Variants in HINT3 observed in about 807,000 individuals in gnomAD.
HINT3 encodes the protein adenosine 5'-monophosphoramidase HINT3.
In HINT3, 16 loss-of-function variants were observed where a neutral mutation model predicts 19.1. The observed-to-expected ratio is 0.84, with a 90% CI of 0.57 to 1.27. The LOEUF (loss-of-function observed/expected upper bound fraction) is 1.27, where lower values mean the gene tolerates loss of function less well. Ranked by LOEUF, HINT3 falls within the 50% of genes most tolerant of loss-of-function variation. The pLI is 0.00. For missense variants in HINT3, 197 were observed against 225.8 expected, an observed-to-expected ratio of 0.87 and a Z score of 0.82; for synonymous variants, 75 against 84.8, an observed-to-expected ratio of 0.88 and a Z score of 0.63.
At chr6:125,965,918 T>G (rs906884791) in intron 1 of HINT3, among the ~76,000 whole-genome samples, 1 of 152,220 alleles carries the variant, frequency 6.6e-6, no homozygotes, top group Admixed American at 6.5e-5. Context: ...AATTATCATG[T>G]TTGTTATCTT....
intron 1 of HINT3, among the ~76,000 whole-genome samples, chr6:125,963,051 G>A (rs564249577): frequency 6.6e-5 from 10 of 152,260 alleles, no homozygotes; most frequent in Admixed American, 1.3e-4. Context: ...TAACTTGAAC[G>A]TTGTCCCCTG....
At position 125,966,458 on chromosome 6, in the gene HINT3, A is replaced by G. The variant is rs79389489; in HGVS notation, c.202-429A>G. On this transcript the variant is annotated intron_variant, in intron 1 of 4. Coordinates refer to ENST00000229633, the MANE Select transcript of HINT3 (RefSeq NM_138571.5). ...GTAAATGCTAGCTGGTGTTCTTTTTATAATTGAGGAAAATGCTACGTTGGG... is the reference window on the plus strand; with the variant it reads ...GTAAATGCTAGCTGGTGTTCTTTTTGTAATTGAGGAAAATGCTACGTTGGG... Among the ~76,000 whole-genome samples the G allele has an allele frequency of 1.6e-3, 238 of 152,336 alleles. 1 individual carries two copies. Among genetic ancestry groups the G allele is most frequent in the African/African-American group, 5.2e-3 (217 of 41,572 alleles).
At position 125,979,031 on chromosome 6, in the gene HINT3, G is replaced by T. The variant is rs1235443080; in HGVS notation, c.*1355G>T. On this transcript the variant is annotated 3_prime_UTR_variant, in exon 5 of 5. Coordinates refer to ENST00000229633, the MANE Select transcript of HINT3 (RefSeq NM_138571.5). The stretch of plus-strand genomic sequence containing the variant: ...TTCCCTGATGCCTTCACAGCCAGAA[G>T]AGGCTGTGAAGGGATAAACACTTCT... The T allele has an allele frequency of 2.0e-5, 3 of 152,182 alleles. No individual in the cohort carries two copies. The highest frequency in any genetic ancestry group is 4.4e-5 in the Non-Finnish European group (3 of 68,020). 9.4% of individuals were successfully genotyped at this position (152,182 alleles called of 1,614,324 possible). A position where few individuals can be genotyped will look rare whatever the true frequency, so the allele number is the denominator to read the frequency against.
intron 1 of HINT3, among the ~76,000 whole-genome samples, chr6:125,957,384 G>A (rs1044206012): frequency 2.6e-5 from 4 of 152,216 alleles, no homozygotes; most frequent in Non-Finnish European, 5.9e-5. Flanking sequence ...GGGTGCTGAT[G>A]ACAGACTCAC....
At chr6:125,968,484 G>A (rs185577788) in intron 2 of HINT3, among the ~76,000 whole-genome samples, 1 of 152,316 alleles carries the variant, frequency 6.6e-6, no homozygotes, top group Admixed American at 6.5e-5. Flanking sequence ...ACAAGTGCAT[G>A]TGTCTTTTTG....
intron 1 of HINT3, among the ~76,000 whole-genome samples, chr6:125,962,185 T>TAC (rs67423612): frequency 1.7e-4 from 6 of 35,564 alleles, no homozygotes; most frequent in Non-Finnish European, 2.9e-4. Flanking sequence ...TATATATATA[T>TAC]ACACATATAT....
chr6:125,973,108 C>A (rs1789132105), intron 3 of HINT3, among the ~76,000 whole-genome samples: 1 of 94,146 alleles, frequency 1.1e-5, no homozygotes, highest in Non-Finnish European at 1.9e-5. Flanking sequence ...CGGAGTCTTG[C>A]ACTGTCCCCC....
chr6:125,964,292 G>A (rs1788985828), intron 1 of HINT3, among the ~76,000 whole-genome samples: 1 of 152,084 alleles, frequency 6.6e-6, no homozygotes. Flanking sequence ...CTTGTGAAGT[G>A]TGATGTATAC....
intron 1 of HINT3, among the ~76,000 whole-genome samples, chr6:125,958,305 A>G (rs889865995): frequency 1.2e-4 from 19 of 152,294 alleles, no homozygotes; most frequent in African/African-American, 4.3e-4. Context: ...CTGGAGAGGT[A>G]AACAAGGGAC....
intron 2 of HINT3, among the ~76,000 whole-genome samples, chr6:125,969,259 T>C (rs529858194): frequency 1.3e-5 from 2 of 152,270 alleles, no homozygotes; most frequent in African/African-American, 4.8e-5. Context: ...TAACTGAATA[T>C]GGCGTATTTT....
chr6:125,969,781 T>C (rs1219015472), intron 2 of HINT3, among the ~76,000 whole-genome samples: 1 of 152,164 alleles, frequency 6.6e-6, no homozygotes, highest in Non-Finnish European at 1.5e-5. Flanking sequence ...TGATTTAGAC[T>C]GTCAGTTTGA....
At chr6:125,976,283 T>A (rs1789177502) in intron 4 of HINT3, among the ~76,000 whole-genome samples, 1 of 152,084 alleles carries the variant, frequency 6.6e-6, no homozygotes, top group African/African-American at 2.4e-5. Flanking sequence ...TGGTGGTGCA[T>A]GCCTGTAGTC....
At chr6:125,966,479 T>A (rs1205559677) in intron 1 of HINT3, among the ~76,000 whole-genome samples, 1 of 152,182 alleles carries the variant, frequency 6.6e-6, no homozygotes, top group South Asian at 2.1e-4. Flanking sequence ...AAATGCTACG[T>A]TGGGAAAAAA....
At position 125,957,117 on chromosome 6, in the gene HINT3, C is replaced by G. The variant is rs1788848935; in HGVS notation, c.140C>G (p.Thr47Ser). 2 of 1,550,766 alleles carry G rather than the reference C, an allele frequency of 1.3e-6. No individual in the cohort carries two copies. Among genetic ancestry groups the G allele is most frequent in the Non-Finnish European group, 1.7e-6 (2 of 1,146,782 alleles). Residue 47 changes from threonine (T) to serine (S), a missense_variant, in exon 1 of 5, where the codon ACC (threonine) becomes AGC (serine). Transcript: ENST00000229633. ...KSPEPKDYDS[T>S]CVFCRIAGRQ... is the part of the protein sequence containing the mutation. ...CCAGAGCCCAAGGACTACGACAGCA[C>G]CTGCGTGTTCTGCCGGATCGCGGGG...
In HINT3 at chr6:125,969,199, G is replaced by A. The variant is rs190033092; in HGVS notation, c.319+2195G>A. On this transcript the variant is annotated intron_variant, in intron 2 of 4. Transcript: ENST00000229633. ...TATTTGTATATGGTGAAAGGTAGGGGTCCAGTTTTATTCTTCTCCATATAG... is the reference window on the plus strand; with the variant it reads ...TATTTGTATATGGTGAAAGGTAGGGATCCAGTTTTATTCTTCTCCATATAG... Among the ~76,000 whole-genome samples the A allele has an allele frequency of 3.2e-3, 484 of 152,202 alleles. 2 individuals carry two copies. Among genetic ancestry groups the A allele is most frequent in the Non-Finnish European group, 5.5e-3 (375 of 67,966 alleles).
intron 2 of HINT3, among the ~76,000 whole-genome samples, chr6:125,967,344 T>C (rs1289600281): frequency 1.3e-5 from 2 of 149,320 alleles, no homozygotes; most frequent in Non-Finnish European, 3.0e-5. Flanking sequence ...TTTTTTTTTT[T>C]TTTTTGAGAC....
intron 2 of HINT3, among the ~76,000 whole-genome samples, chr6:125,967,326 CTTTTTTT>C (rs537273461): frequency 1.1e-5 from 1 of 95,186 alleles, no homozygotes; most frequent in African/African-American, 4.2e-5. Context: ...ATTTTTATGA[CTTTTTTT>C]TTTTTTTTTT....
In HINT3 at chr6:125,973,065, C is replaced by CTTTTTTTTTTT. The variant is rs869084942; in HGVS notation, c.389+755_389+765dup. Among the ~76,000 whole-genome samples the CTTTTTTTTTTT allele has an allele frequency of 5.4e-5, 4 of 74,482 alleles. 1 individual carries two copies. The highest frequency in any genetic ancestry group is 2.1e-4 in the African/African-American group (4 of 18,660). The allele number at this position is 74,482 out of a possible 152,430, so 48.9% of individuals were successfully genotyped here. A position where few individuals can be genotyped will look rare whatever the true frequency, so the allele number is the denominator to read the frequency against. On this transcript the variant is annotated intron_variant, in intron 3 of 4. Coordinates refer to ENST00000229633, the MANE Select transcript of HINT3 (RefSeq NM_138571.5). ...AAGCACATGATGTTCAATTTTTCAA[C>CTTTTTTTTTTT]TTTTTTTTTTTTTTTTTTTTTTTTT...
At chr6:125,962,233 T>C (rs9491550) in intron 1 of HINT3, among the ~76,000 whole-genome samples, 613 of 20,502 alleles carry the variant, frequency 0.03, 31 homozygotes, top group East Asian at 0.059. Flanking sequence ...TATATATATA[T>C]ACACATATAT....
Sources: allele counts gnomAD v4.1 joint callset (sites outside exome capture counted in the v4.1 genomes callset), GRCh38; gene constraint gnomAD v4.1.1; transcripts MANE v1.5; gene names NCBI Gene and HGNC (gene_info 2026-07-23, HGNC 2026-07-21).